The following BNIP2 variants were observed in gnomAD, a reference collection of about 807,000 sequenced individuals.
The protein encoded by BNIP2 is BCL2/adenovirus E1B 19 kDa protein-interacting protein 2.
In BNIP2, 36 loss-of-function variants were observed where a neutral mutation model predicts 43.4. That is an observed-to-expected ratio of 0.83 (90% CI 0.64 to 1.10). The LOEUF (loss-of-function observed/expected upper bound fraction) is 1.10, where lower values mean the gene tolerates loss of function less well. Ranked by LOEUF, BNIP2 falls within the 50% of genes least tolerant of loss-of-function variation. The probability of loss-of-function intolerance (pLI) is 0.00; values close to 1 mark genes in which losing one functional copy is unlikely to be tolerated. For synonymous variants in BNIP2, 146 were observed against 121.0 expected (o/e 1.21, Z -1.35); for missense variants, 417 against 374.1 (o/e 1.11, Z -0.95).
intron 5 of BNIP2, among the ~76,000 whole-genome samples, chr15:59,673,531 C>G (rs1163793773): frequency 6.6e-6 from 1 of 152,172 alleles, no homozygotes; most frequent in Non-Finnish European, 1.5e-5. Flanking sequence ...CTCAAGGGAT[C>G]TTCCCACCTC....
chr15:59,685,274 C>T (rs781530477), intron 1 of BNIP2, among the ~76,000 whole-genome samples: 7 of 152,010 alleles, frequency 4.6e-5, no homozygotes, highest in South Asian at 2.1e-4. Context: ...CTGAGGTGGG[C>T]GGATCACCTG....
chr15:59,668,265 T>G, intron 9 of BNIP2: 1 of 439,544 alleles, frequency 2.3e-6, no homozygotes, highest in African/African-American at 2.1e-5. Flanking sequence ...CTACATGATG[T>G]AGAAAGTAAA....
At chr15:59,684,945 G>A (rs1893919227) in intron 1 of BNIP2, among the ~76,000 whole-genome samples, 1 of 152,150 alleles carries the variant, frequency 6.6e-6, no homozygotes, top group Admixed American at 6.5e-5. Flanking sequence ...TACCTGTAGG[G>A]TATGGACACT....
At position 59,672,621 on chromosome 15, in the gene BNIP2, T is replaced by C; in HGVS notation, c.575+16A>G. On this transcript the variant is annotated intron_variant, in intron 6 of 9. Transcript: ENST00000607373. Reference sequence around the variant, plus strand: ...TCACAATTCTGTCCAAATGTTTTTGTTTAATATATACTTACTTAAAAAGAT... The same window carrying C: ...TCACAATTCTGTCCAAATGTTTTTGCTTAATATATACTTACTTAAAAAGAT... 6.3e-7 allele frequency: 1 copy of C among 1,579,460 alleles called. No individual in the cohort carries two copies. The highest frequency in any genetic ancestry group is 1.3e-5 in the African/African-American group (1 of 74,130).
chr15:59,672,433 C>T, intron 6 of BNIP2: 1 of 426,750 alleles, frequency 2.3e-6, no homozygotes, highest in Non-Finnish European at 4.3e-6. Flanking sequence ...ACTACCATGC[C>T]TGGCTAATTT....
At position 59,664,002 on chromosome 15, in the gene BNIP2, T is replaced by C; in HGVS notation, c.*67A>G. On this transcript the variant is annotated 3_prime_UTR_variant, in exon 10 of 10. Transcript: ENST00000607373. ...TAAAAATATGGGCCAATAAATGCATTATGAATGCAGAAACAGCACTGCTCC... is the reference window on the plus strand; with the variant it reads ...TAAAAATATGGGCCAATAAATGCATCATGAATGCAGAAACAGCACTGCTCC... 8.0e-7 allele frequency: 1 copy of C among 1,246,804 alleles called. No homozygotes were observed. The highest frequency in any genetic ancestry group is 1.1e-6 in the Non-Finnish European group (1 of 904,584). The allele number at this position is 1,246,804 out of a possible 1,614,324, so 77.2% of individuals were successfully genotyped here. A position where few individuals can be genotyped will look rare whatever the true frequency, so the allele number is the denominator to read the frequency against.
intron 5 of BNIP2, chr15:59,676,607 G>C (rs1381634703): frequency 1.8e-6 from 1 of 548,006 alleles, no homozygotes; most frequent in Non-Finnish European, 3.2e-6. Context: ...AAATGAATGA[G>C]AAATGCTTAT....
At position 59,676,739 on chromosome 15, in the gene BNIP2, C is replaced by A. The variant is rs949782081; in HGVS notation, c.472+1172G>T. ...GGAGTGCCGCGCGGTGCGGTGCGGG[C>A]GGCAGAGTTGGGGTGTCATGGAGGA... is the stretch of plus-strand genomic sequence containing the variant. On this transcript the variant is annotated intron_variant, in intron 5 of 9. Coordinates refer to ENST00000607373, the MANE Select transcript of BNIP2 (RefSeq NM_004330.4). The A allele has an allele frequency of 3.1e-6, 4 of 1,298,810 alleles. No individual in the cohort carries two copies. In the African/African-American group the frequency reaches 4.4e-5, roughly 14 times the overall value. The allele number at this position is 1,298,810 out of a possible 1,614,324, so 80.5% of individuals were successfully genotyped here.
intron 9 of BNIP2, chr15:59,668,132 T>C (rs763329439): frequency 1.5e-5 from 20 of 1,292,952 alleles, no homozygotes; most frequent in Non-Finnish European, 2.0e-5. Flanking sequence ...ACTTTTCTTC[T>C]TCATACCTTT....
At position 59,689,264 on chromosome 15, in the gene BNIP2, C is replaced by G. The variant is rs1894227958; in HGVS notation, c.-187G>C. 6.5e-7 allele frequency: 1 copy of G among 1,544,740 alleles called. No homozygotes were observed. The highest frequency in any genetic ancestry group is 8.7e-7 in the Non-Finnish European group (1 of 1,146,338). ...CTCGGTCGGCGGTGGAGACCCCGGC[C>G]CAATCCCCCGGCCGCAGCGGTACGG... is the stretch of plus-strand genomic sequence containing the variant. On this transcript the variant is annotated 5_prime_UTR_variant, in exon 1 of 10. Transcript: ENST00000607373.
At chr15:59,671,162 T>G (rs1432972251) in intron 7 of BNIP2, 21 bp downstream of exon 7, 3 of 1,559,492 alleles carry the variant, frequency 1.9e-6, no homozygotes, top group Admixed American at 2.0e-5. Flanking sequence ...CAGACTAGCT[T>G]TCAACTTGTA....
chr15:59,668,478 T>A (rs1482367874), intron 9 of BNIP2, among the ~76,000 whole-genome samples: 1 of 152,240 alleles, frequency 6.6e-6, no homozygotes, highest in East Asian at 1.9e-4. Context: ...AAGGTTATGA[T>A]GATTTAAATA....
intron 1 of BNIP2, among the ~76,000 whole-genome samples, chr15:59,685,368 G>C (rs931042058): frequency 6.6e-6 from 1 of 152,144 alleles, no homozygotes; most frequent in Non-Finnish European, 1.5e-5. Flanking sequence ...AGGCGTGGTG[G>C]CGCCTGCCTG....
chr15:59,682,619 T>C, intron 1 of BNIP2, 105 bp from the exon 2 acceptor site: 1 of 846,126 alleles, frequency 1.2e-6, no homozygotes, highest in Non-Finnish European at 1.7e-6. Flanking sequence ...TTTAGTACAA[T>C]GGTCTGGTCA....
At chr15:59,673,445 G>C (rs916833758) in intron 5 of BNIP2, among the ~76,000 whole-genome samples, 6 of 151,706 alleles carry the variant, frequency 4.0e-5, no homozygotes, top group African/African-American at 1.5e-4. Context: ...TTTTTTTAGA[G>C]GATAGCATCT....
rs1892305228 is a variant in BNIP2 at position 59,662,037 on chromosome 15, C to A, written c.*2032G>T. The A allele has an allele frequency of 1.3e-5, 2 of 152,134 alleles. No individual in the cohort carries two copies. Among genetic ancestry groups the A allele is most frequent in the Admixed American group, 1.3e-4 (2 of 15,278 alleles). 9.4% of individuals were successfully genotyped at this position (152,134 alleles called of 1,614,324 possible). A position where few individuals can be genotyped will look rare whatever the true frequency, so the allele number is the denominator to read the frequency against. ...TTTTAAAAAAAATTCAGAAAAACAT[C>A]ACTTTTGCAACATGTATCTACAGTT... On this transcript the variant is annotated 3_prime_UTR_variant, in exon 10 of 10. Transcript: ENST00000607373.
At chr15:59,683,313 T>A (rs535350438) in intron 1 of BNIP2, among the ~76,000 whole-genome samples, 2 of 152,254 alleles carry the variant, frequency 1.3e-5, no homozygotes, top group South Asian at 4.1e-4. Flanking sequence ...AAGGTAAAGA[T>A]CAACTGGTTA....
chr15:59,675,667 G>T (rs1456658907), intron 5 of BNIP2, among the ~76,000 whole-genome samples: 1 of 152,124 alleles, frequency 6.6e-6, no homozygotes, highest in Admixed American at 6.5e-5. Flanking sequence ...ACTTCTACAA[G>T]AATGTTCAAA....
chr15:59,679,428 T>C, intron 4 of BNIP2, 164 bp downstream of exon 4: 2 of 669,584 alleles, frequency 3.0e-6, no homozygotes, highest in Non-Finnish European at 2.3e-6. Context: ...AAAAAGCCAC[T>C]GGTGTACTCT....
Sources: gnomAD v4.1 joint callset for allele counts (sites outside exome capture counted in the v4.1 genomes callset) on GRCh38, gnomAD v4.1.1 for gene constraint, MANE v1.5 for transcripts, NCBI Gene and HGNC (gene_info 2026-07-23, HGNC 2026-07-21) for gene names.